The following TMEM181 variants were observed in gnomAD, a reference collection of about 807,000 sequenced individuals.
TMEM181 encodes the protein transmembrane protein 181, also known as G protein-coupled receptor 178.
A neutral mutation model predicts 71.9 loss-of-function variants in TMEM181; 39 were observed. The ratio of observed to expected loss-of-function variants is 0.54; its 90% CI spans 0.42 to 0.71. The LOEUF (loss-of-function observed/expected upper bound fraction) is 0.71. Ranked by LOEUF, TMEM181 falls within the 30% of genes least tolerant of loss-of-function variation. The pLI, the probability that TMEM181 is intolerant of heterozygous loss-of-function variation, is 0.00. For synonymous variants in TMEM181, 245 were observed against 228.8 expected (o/e 1.07, Z -0.64); for missense variants, 595 against 583.0 (o/e 1.02, Z -0.21).
chr6:158,554,230 C>T (rs1376082004), intron 1 of TMEM181, among the ~76,000 whole-genome samples: 2 of 151,764 alleles, frequency 1.3e-5, no homozygotes, highest in African/African-American at 4.8e-5. Flanking sequence ...GGATTACAGG[C>T]GCCTGCCACC....
intron 1 of TMEM181, among the ~76,000 whole-genome samples, chr6:158,570,920 GT>G (rs201020009): frequency 0.016 from 2,376 of 144,420 alleles, 31 homozygotes; most frequent in African/African-American, 0.026. Flanking sequence ...TGTTAGGTTG[GT>G]TTTTTTTTTT....
In TMEM181 at chr6:158,605,346, C is replaced by T. The variant is rs1784897365; in HGVS notation, c.572C>T (p.Thr191Ile). 1.9e-6 allele frequency: 3 copies of T among 1,613,866 alleles called. No individual in the cohort carries two copies. Among genetic ancestry groups the T allele is most frequent in the South Asian group, 1.1e-5 (1 of 91,078 alleles). Residue 191 changes from threonine (T) to isoleucine (I), a missense_variant and splice_region_variant, in exon 7 of 17, where the codon ACT (threonine) becomes ATT (isoleucine). Thr to Ile is a moderately conservative substitution (Grantham distance 89). Transcript: ENST00000684151. ...TTTGTGGTGCTCACCTTCATCGTCA[C>T]TGTGAGTACCATTCGCCTGATGGAC... Reference protein sequence around the residue: ...FFFVVLTFIVTCLFAHSLRKF... With the variant: ...FFFVVLTFIVICLFAHSLRKF...
chr6:158,562,517 G>C (rs1315507522), intron 1 of TMEM181, among the ~76,000 whole-genome samples: 1 of 151,330 alleles, frequency 6.6e-6, no homozygotes, highest in Non-Finnish European at 1.5e-5. Flanking sequence ...TGTATTTTAT[G>C]TGTCTTTTTC....
intron 6 of TMEM181, among the ~76,000 whole-genome samples, chr6:158,603,063 G>A (rs4709233): frequency 0.36 from 53,991 of 151,904 alleles, 10,586 homozygotes; most frequent in East Asian, 0.75. Context: ...CTCGTTTCTT[G>A]TGCTTGGCCA....
At chr6:158,588,006 C>T (rs904823168) in intron 5 of TMEM181, among the ~76,000 whole-genome samples, 25 of 152,186 alleles carry the variant, frequency 1.6e-4, no homozygotes, top group African/African-American at 6.0e-4. Context: ...GACCCGACTG[C>T]CAGAGGGGAA....
chr6:158,546,824 G>C (rs371998394), intron 1 of TMEM181, among the ~76,000 whole-genome samples: 97 of 152,220 alleles, frequency 6.4e-4, no homozygotes, highest in African/African-American at 2.2e-3. Flanking sequence ...GCAGGGCGTG[G>C]TGGTGGGCGC....
At chr6:158,593,803 A>C (rs1375330325) in intron 6 of TMEM181, among the ~76,000 whole-genome samples, 1 of 152,102 alleles carries the variant, frequency 6.6e-6, no homozygotes, top group Non-Finnish European at 1.5e-5. Context: ...GAAGGTACAG[A>C]GAGTTCCTAA....
intron 6 of TMEM181, 126 bp from the exon 7 acceptor site, chr6:158,605,127 AAAAAGTGTGTGTGT>A: frequency 1.3e-5 from 6 of 446,944 alleles, no homozygotes; most frequent in East Asian, 8.6e-5. Flanking sequence ...AAAAAAAAAA[AAAAAGTGTGTGTGT>A]GTGTGTGTGT....
intron 1 of TMEM181, among the ~76,000 whole-genome samples, chr6:158,560,559 C>G (rs926328940): frequency 2.0e-5 from 3 of 152,166 alleles, no homozygotes; most frequent in African/African-American, 4.8e-5. Flanking sequence ...GCGGCCCTTC[C>G]CCGGCGTAGG....
At chr6:158,545,115 T>C (rs184606754) in intron 1 of TMEM181, among the ~76,000 whole-genome samples, 23 of 152,314 alleles carry the variant, frequency 1.5e-4, no homozygotes, top group African/African-American at 5.3e-4. Context: ...TGCGGCTTGC[T>C]CAGCCGTGGG....
chr6:158,621,389 CAAG>C (rs754254701), intron 10 of TMEM181: 60 of 208,852 alleles, frequency 2.9e-4, no homozygotes, highest in Admixed American at 2.3e-4. Context: ...CCTGCTCTGT[CAAG>C]GAGGAGGAGT....
chr6:158,561,006 T>C (rs1490696380), intron 1 of TMEM181, among the ~76,000 whole-genome samples: 1 of 152,042 alleles, frequency 6.6e-6, no homozygotes, highest in Non-Finnish European at 1.5e-5. Flanking sequence ...TTGCAGAAAG[T>C]CCGGGAGAAG....
Position 158,634,048 on chromosome 6 carries a change from T to A in TMEM181, c.*2160T>A, listed in dbSNP as rs1786806211. 1 of 152,232 alleles carries A rather than the reference T, an allele frequency of 6.6e-6. No homozygotes were observed. The highest frequency in any genetic ancestry group is 6.5e-5 in the Admixed American group (1 of 15,286). The allele number at this position is 152,232 out of a possible 1,614,324, so 9.4% of individuals were successfully genotyped here. A position where few individuals can be genotyped will look rare whatever the true frequency, so the allele number is the denominator to read the frequency against. On this transcript the variant is annotated 3_prime_UTR_variant, in exon 17 of 17. Coordinates refer to ENST00000684151, the MANE Select transcript of TMEM181 (RefSeq NM_001376852.1). ...CTTTTTAAAACTTTGTCCTATAGTGTAATTATAAACTGATGACTATTATCT... is the reference window on the plus strand; with the variant it reads ...CTTTTTAAAACTTTGTCCTATAGTGAAATTATAAACTGATGACTATTATCT...
At chr6:158,628,920 C>T (rs1189329584) in intron 14 of TMEM181, among the ~76,000 whole-genome samples, 1 of 152,222 alleles carries the variant, frequency 6.6e-6, no homozygotes, top group Non-Finnish European at 1.5e-5. Flanking sequence ...CTGCCGTGAG[C>T]CTCCTGTCTC....
intron 5 of TMEM181, 59 bp from the exon 6 acceptor site, chr6:158,589,613 A>G (rs1218720385): frequency 7.6e-7 from 1 of 1,310,376 alleles, no homozygotes; most frequent in Non-Finnish European, 1.1e-6. Flanking sequence ...TTCATGGGTT[A>G]TTTGGCGGGA....
intron 10 of TMEM181, 108 bp from the exon 11 acceptor site, chr6:158,623,442 G>A: frequency 4.7e-6 from 3 of 633,142 alleles, no homozygotes; most frequent in Middle Eastern, 4.4e-4. Context: ...TTGGTAGGAA[G>A]TAGTTTATAT....
chr6:158,622,645 C>T (rs918822261), intron 10 of TMEM181, among the ~76,000 whole-genome samples: 6 of 152,186 alleles, frequency 3.9e-5, no homozygotes, highest in African/African-American at 1.2e-4. Context: ...CAGCTGATTT[C>T]AGTTAACTGA....
intron 10 of TMEM181, among the ~76,000 whole-genome samples, chr6:158,623,302 TA>T (rs766949132): frequency 6.6e-6 from 1 of 152,206 alleles, no homozygotes; most frequent in South Asian, 2.1e-4. Context: ...TTTTGTGTAA[TA>T]AAAAATACTG....
At chr6:158,575,189 A>G (rs1347173456) in intron 2 of TMEM181, among the ~76,000 whole-genome samples, 1 of 152,246 alleles carries the variant, frequency 6.6e-6, no homozygotes, top group Non-Finnish European at 1.5e-5. Context: ...ATGTTGACAC[A>G]TAAAATTATC....
Sources: allele counts gnomAD v4.1 joint callset (sites outside exome capture counted in the v4.1 genomes callset), GRCh38; gene constraint gnomAD v4.1.1; transcripts MANE v1.5; gene names NCBI Gene and HGNC (gene_info 2026-07-23, HGNC 2026-07-21).